ARHGAP31: variants seen among roughly 807,000 people sequenced by gnomAD.
ARHGAP31 encodes the protein Rho GTPase activating protein 31, also known as rho GTPase-activating protein 31.
A neutral mutation model predicts 113.9 loss-of-function variants in ARHGAP31; 34 were observed. The ratio of observed to expected loss-of-function variants is 0.30; its 90% CI spans 0.23 to 0.40. The LOEUF (loss-of-function observed/expected upper bound fraction) is 0.40, where lower values mean the gene tolerates loss of function less well. Ranked by LOEUF, ARHGAP31 falls within the 10% of genes least tolerant of loss-of-function variation. The probability of loss-of-function intolerance (pLI) is 1.00; values close to 1 mark genes in which losing one functional copy is unlikely to be tolerated. For missense variants in ARHGAP31, 1,548 were observed against 1,767.1 expected, an observed-to-expected ratio of 0.88 and a Z score of 2.22; for synonymous variants, 650 against 684.8, an observed-to-expected ratio of 0.95 and a Z score of 0.79.
intron 1 of ARHGAP31, among the ~76,000 whole-genome samples, chr3:119,357,374 G>C (rs2080167334): frequency 6.6e-6 from 1 of 152,208 alleles, no homozygotes; most frequent in African/African-American, 2.4e-5. Flanking sequence ...TATTCAGGAA[G>C]TGGCAGGCTG....
intron 1 of ARHGAP31, among the ~76,000 whole-genome samples, chr3:119,357,253 G>A (rs2080166125): frequency 6.6e-6 from 1 of 152,182 alleles, no homozygotes; most frequent in South Asian, 2.1e-4. Flanking sequence ...GTTGAGGCTT[G>A]AGCTGAATCC....
rs1189615161 is a variant in ARHGAP31, at chr3:119,419,529, T to C, written c.*3265T>C. 6.6e-6 allele frequency: 1 copy of C among 152,076 alleles called. No homozygotes were observed. Among genetic ancestry groups the C allele is most frequent in the African/African-American group, 2.4e-5 (1 of 41,414 alleles). 9.4% of individuals were successfully genotyped at this position (152,076 alleles called of 1,614,324 possible). A position where few individuals can be genotyped will look rare whatever the true frequency, so the allele number is the denominator to read the frequency against. On this transcript the variant is annotated 3_prime_UTR_variant, in exon 12 of 12. Coordinates refer to ENST00000264245, the MANE Select transcript of ARHGAP31 (RefSeq NM_020754.4). ...CTTAGTAATAGTGCACTGGGTACCT[T>C]AGCACTCCCAAATCATTCAAGAGTC...
intron 3 of ARHGAP31, among the ~76,000 whole-genome samples, chr3:119,369,524 T>C (rs1030789822): frequency 2.0e-5 from 3 of 152,176 alleles, no homozygotes; most frequent in Admixed American, 6.5e-5. Context: ...AGGGAACCTT[T>C]CTCATGGCTC....
intron 3 of ARHGAP31, among the ~76,000 whole-genome samples, chr3:119,376,444 C>T (rs1050423011): frequency 6.6e-6 from 1 of 152,114 alleles, no homozygotes; most frequent in Non-Finnish European, 1.5e-5. Context: ...TCCCCTGCTC[C>T]GTCTCCCATC....
chr3:119,332,399 C>T (rs1323081137), intron 1 of ARHGAP31, among the ~76,000 whole-genome samples: 1 of 151,986 alleles, frequency 6.6e-6, no homozygotes, highest in African/African-American at 2.4e-5. Context: ...GAGGTTTCAT[C>T]ATGTTGGCCA....
intron 1 of ARHGAP31, among the ~76,000 whole-genome samples, chr3:119,361,224 G>A (rs1035111525): frequency 1.3e-5 from 2 of 152,100 alleles, no homozygotes; most frequent in African/African-American, 4.8e-5. Flanking sequence ...TGCATGACCT[G>A]GAATTTGTTA....
At chr3:119,394,168 T>C (rs971216851) in intron 8 of ARHGAP31, among the ~76,000 whole-genome samples, 1 of 152,234 alleles carries the variant, frequency 6.6e-6, no homozygotes, top group Non-Finnish European at 1.5e-5. Flanking sequence ...CAGTGTGTTA[T>C]ATTAGGAGGT....
intron 1 of ARHGAP31, among the ~76,000 whole-genome samples, chr3:119,321,415 A>G (rs1007098059): frequency 6.7e-6 from 1 of 148,704 alleles, no homozygotes; most frequent in Non-Finnish European, 1.5e-5. Flanking sequence ...ATTGGGAAAT[A>G]CATAAATGTT....
intron 1 of ARHGAP31, among the ~76,000 whole-genome samples, chr3:119,332,633 T>TCA (rs1430812568): frequency 0.016 from 971 of 61,410 alleles, 2 homozygotes; most frequent in Middle Eastern, 0.027. Flanking sequence ...TCTCTCTCTC[T>TCA]CTCACACACA....
chr3:119,413,969 C>A lies in ARHGAP31; in HGVS notation c.2040C>A (p.Ser680Arg). ...SSLPPPALKT[S>R]PIQPILESSL... ...TGCCACCTCCTGCTCTGAAGACCAG[C>A]CCAATTCAGCCTATTCTCGAGTCGA... The change falls in exon 12 of 12, where the codon AGC (serine) becomes AGA (arginine). Residue 680 changes from serine to arginine, a missense_variant. Ser to Arg is a moderately radical substitution (Grantham distance 110). Transcript: ENST00000264245. 1.2e-6 allele frequency: 2 copies of A among 1,614,186 alleles called. No homozygotes were observed. The highest frequency in any genetic ancestry group is 1.7e-6 in the Non-Finnish European group (2 of 1,180,034).
intron 3 of ARHGAP31, among the ~76,000 whole-genome samples, chr3:119,378,821 G>A (rs2080371500): frequency 6.6e-6 from 1 of 152,130 alleles, no homozygotes; most frequent in Non-Finnish European, 1.5e-5. Flanking sequence ...GGTGTCAGGG[G>A]GCTTACTGGA....
chr3:119,393,328 T>G (rs570569217), intron 7 of ARHGAP31, 139 bp from the exon 8 acceptor site: 1 of 1,185,332 alleles, frequency 8.4e-7, no homozygotes, highest in South Asian at 1.3e-5. Context: ...CAAGCTTACC[T>G]TGGATTTTAG....
intron 1 of ARHGAP31, among the ~76,000 whole-genome samples, chr3:119,315,053 A>G (rs2079717460): frequency 1.3e-5 from 2 of 152,246 alleles, no homozygotes; most frequent in African/African-American, 4.8e-5. Flanking sequence ...TGCTACCAGC[A>G]GAAGTCCTTC....
At chr3:119,401,793 C>T in intron 9 of ARHGAP31, 29 bp from the exon 10 acceptor site, 1 of 1,609,202 alleles carries the variant, frequency 6.2e-7, no homozygotes, top group African/African-American at 1.3e-5. Context: ...GCCCCGGCTG[C>T]TGACCATACA....
chr3:119,407,429 A>T (rs1013249072), intron 10 of ARHGAP31, among the ~76,000 whole-genome samples: 1 of 152,154 alleles, frequency 6.6e-6, no homozygotes, highest in Non-Finnish European at 1.5e-5. Context: ...CTAACATGGC[A>T]TGGGCTTGGT....
intron 2 of ARHGAP31, among the ~76,000 whole-genome samples, chr3:119,367,533 G>A (rs1372175698): frequency 1.3e-5 from 2 of 152,028 alleles, no homozygotes; most frequent in East Asian, 3.8e-4. Flanking sequence ...TCACCATCAG[G>A]CAGCCTAGAA....
chr3:119,401,170 CAA>C (rs11459615), intron 9 of ARHGAP31, among the ~76,000 whole-genome samples: 103 of 131,728 alleles, frequency 7.8e-4, no homozygotes, highest in South Asian at 1.5e-3. Flanking sequence ...TACTCCATCT[CAA>C]AAAAAAAAAA....
intron 1 of ARHGAP31, among the ~76,000 whole-genome samples, chr3:119,317,813 G>A (rs2079747338): frequency 6.6e-6 from 1 of 152,124 alleles, no homozygotes; most frequent in Non-Finnish European, 1.5e-5. Flanking sequence ...CTGTGACATG[G>A]GGTAAGATTA....
chr3:119,383,512 T>C (rs1323099662), intron 6 of ARHGAP31, among the ~76,000 whole-genome samples: 2 of 152,252 alleles, frequency 1.3e-5, no homozygotes. Context: ...AATAATGTTC[T>C]ACTAGTTATA....
Sources: allele counts gnomAD v4.1 joint callset (sites outside exome capture counted in the v4.1 genomes callset), GRCh38; gene constraint gnomAD v4.1.1; transcripts MANE v1.5; gene names NCBI Gene and HGNC (gene_info 2026-07-23, HGNC 2026-07-21).